The following TDP2 variants were observed in gnomAD, a reference collection of about 807,000 sequenced individuals.
TDP2 encodes the protein 5'-Tyr-DNA phosphodiesterase.
In TDP2, 38 loss-of-function variants were observed where a neutral mutation model predicts 42.8. That is an observed-to-expected ratio of 0.89 (90% CI 0.68 to 1.16). TDP2 has a LOEUF of 1.16. Ranked by LOEUF, TDP2 falls within the 50% of genes most tolerant of loss-of-function variation. TDP2 has a pLI of 0.00. For missense variants in TDP2, 439 were observed against 439.3 expected (o/e 1.00, Z 0.01); for synonymous variants, 173 against 150.6 (o/e 1.15, Z -1.09).
rs893794246 is a variant in TDP2 at position 24,653,080 on chromosome 6, C to T, written c.710G>A (p.Arg237Gln). The T allele has an allele frequency of 3.2e-5, 51 of 1,613,986 alleles. No homozygotes were observed. Among genetic ancestry groups the T allele is most frequent in the Non-Finnish European group, 4.2e-5 (50 of 1,180,032 alleles). Reference sequence around the variant, plus strand: ...TAAAACCATTTTTAACTGATTCATTCGTTCCGCAGCATGCCCTCTGGTGCT... The same window carrying T: ...TAAAACCATTTTTAACTGATTCATTTGTTCCGCAGCATGCCCTCTGGTGCT... ...LESTRGHAAERMNQLKMVLKK... is the reference protein window; with the variant it reads ...LESTRGHAAEQMNQLKMVLKK... Residue 237 changes from arginine (R) to glutamine (Q), a missense_variant, in exon 6 of 7, where the codon CGA (arginine) becomes CAA (glutamine). By Grantham distance (43) the Arg-to-Gln change is conservative. Transcript: ENST00000378198.
chr6:24,661,160 A>C (rs772206714), intron 2 of TDP2, among the ~76,000 whole-genome samples: 14 of 152,222 alleles, frequency 9.2e-5, no homozygotes, highest in Non-Finnish European at 2.1e-4. Context: ...GTTGATATCT[A>C]CCTGAAATAA....
At chr6:24,651,433 C>T (rs1777973196) in intron 6 of TDP2, among the ~76,000 whole-genome samples, 2 of 152,218 alleles carry the variant, frequency 1.3e-5, no homozygotes, top group South Asian at 4.1e-4. Context: ...TAGTCTACAA[C>T]TTCAGAAGTA....
chr6:24,663,269 A>G (rs1265269096), intron 2 of TDP2, among the ~76,000 whole-genome samples: 1 of 152,220 alleles, frequency 6.6e-6, no homozygotes, highest in Non-Finnish European at 1.5e-5. Flanking sequence ...TGAGGCAGAG[A>G]GAGGTTACAC....
chr6:24,658,798 G>C lies in TDP2; in HGVS notation c.252-64C>G, dbSNP rs1159450595. Reference sequence around the variant, plus strand: ...CTATAAATTGATTAAGAATTATTTTGTATTTGTAGCCCTCATTTTACAGAC... The same window carrying C: ...CTATAAATTGATTAAGAATTATTTTCTATTTGTAGCCCTCATTTTACAGAC... On this transcript the variant is annotated intron_variant, in intron 2 of 6. Transcript: ENST00000378198. 6 of 1,504,600 alleles carry C rather than the reference G, an allele frequency of 4.0e-6. No homozygotes were observed. In the East Asian group the frequency reaches 1.4e-4, roughly 35 times the overall value. The allele number at this position is 1,504,600 out of a possible 1,614,324, so 93.2% of individuals were successfully genotyped here.
chr6:24,666,090 A>AT (rs1778228536), intron 2 of TDP2: 4 of 1,535,502 alleles, frequency 2.6e-6, no homozygotes, highest in Non-Finnish European at 3.5e-6. Context: ...GTAGGTGTGC[A>AT]TTAAAAAAAA....
At chr6:24,653,286 T>C (rs949320463) in intron 5 of TDP2, 133 bp from the exon 6 acceptor site, 5 of 922,064 alleles carry the variant, frequency 5.4e-6, no homozygotes, top group Admixed American at 4.5e-5. Flanking sequence ...GCACTATGCC[T>C]ATCCCTCCGG....
At chr6:24,654,296 T>C in intron 5 of TDP2, 116 bp downstream of exon 5, 1 of 531,580 alleles carries the variant, frequency 1.9e-6, no homozygotes, top group Non-Finnish European at 3.3e-6. Flanking sequence ...TCTAAAAGAA[T>C]CTACATGTGT....
chr6:24,652,873 C>T (rs1465692240), intron 6 of TDP2, 110 bp downstream of exon 6: 3 of 1,201,404 alleles, frequency 2.5e-6, no homozygotes, highest in Non-Finnish European at 3.7e-6. Flanking sequence ...TCACTTAAGA[C>T]ATTTTGAGTG....
At chr6:24,656,073 CAAAAT>C (rs1201796774) in intron 4 of TDP2, among the ~76,000 whole-genome samples, 1 of 151,712 alleles carries the variant, frequency 6.6e-6, no homozygotes, top group East Asian at 1.9e-4. Context: ...ATAACATAAT[CAAAAT>C]AAACAAAAAG....
At chr6:24,655,619 G>C (rs535588081) in intron 4 of TDP2, among the ~76,000 whole-genome samples, 1 of 152,298 alleles carries the variant, frequency 6.6e-6, no homozygotes, top group African/African-American at 2.4e-5. Flanking sequence ...AGAGGCTCCA[G>C]AGTCACCAGC....
At chr6:24,666,304 C>T in intron 2 of TDP2, 1 of 1,528,394 alleles carries the variant, frequency 6.5e-7, no homozygotes, top group East Asian at 2.4e-5. Context: ...CCCTGGACCC[C>T]AAATCACGTT....
chr6:24,655,373 CTG>C (rs1216433171), intron 4 of TDP2, among the ~76,000 whole-genome samples: 2 of 152,256 alleles, frequency 1.3e-5, no homozygotes, highest in East Asian at 3.9e-4. Context: ...ACTTGAGTGA[CTG>C]TAGCAGAGAA....
intron 2 of TDP2, among the ~76,000 whole-genome samples, chr6:24,660,998 G>C (rs1218878580): frequency 1.3e-5 from 2 of 152,174 alleles, no homozygotes; most frequent in Non-Finnish European, 2.9e-5. Flanking sequence ...GGTGATGTTA[G>C]CTTTGATCAC....
At chr6:24,661,956 TG>T (rs938986668) in intron 2 of TDP2, among the ~76,000 whole-genome samples, 7 of 152,338 alleles carry the variant, frequency 4.6e-5, no homozygotes, top group Admixed American at 1.3e-4. Context: ...CTCAACCCTG[TG>T]CTCGCAGAAA....
At chr6:24,664,318 C>T (rs1436600333) in intron 2 of TDP2, among the ~76,000 whole-genome samples, 1 of 133,860 alleles carries the variant, frequency 7.5e-6, no homozygotes, top group East Asian at 2.0e-4. Context: ...TTAGAATTAC[C>T]TGCACAGCTA....
In TDP2 at chr6:24,650,784, C is replaced by T. The variant is rs747910516; in HGVS notation, c.*4G>A. 5.6e-6 allele frequency: 9 copies of T among 1,611,662 alleles called. No homozygotes were observed. The highest frequency in any genetic ancestry group is 1.1e-5 in the South Asian group (1 of 90,884). On this transcript the variant is annotated 3_prime_UTR_variant, in exon 7 of 7. Coordinates refer to ENST00000378198, the MANE Select transcript of TDP2 (RefSeq NM_016614.3). Reference sequence around the variant, plus strand: ...CAGGGCAAAACCCACACTTGAAAAGCATTTTACAATATTATATCTAAGTTG... The same window carrying T: ...CAGGGCAAAACCCACACTTGAAAAGTATTTTACAATATTATATCTAAGTTG...
chr6:24,654,383 A>G (rs377026146), intron 5 of TDP2, 29 bp downstream of exon 5: 9 of 1,118,842 alleles, frequency 8.0e-6, no homozygotes, highest in Non-Finnish European at 1.2e-5. Context: ...TTTTTTTTAT[A>G]AAACACTCAA....
At chr6:24,651,177 T>C (rs16889581) in intron 6 of TDP2, 108 bp from the exon 7 acceptor site, 21,718 of 833,484 alleles carry the variant, frequency 0.026, 944 homozygotes, top group African/African-American at 0.16. Flanking sequence ...AAATTATTAA[T>C]GCAGAAATGC....
intron 3 of TDP2, 131 bp from the exon 4 acceptor site, chr6:24,658,034 C>A: frequency 1.8e-6 from 1 of 559,916 alleles, no homozygotes. Context: ...AGTGTTTATG[C>A]TGATCTTTGA....
Sources: gnomAD v4.1 joint callset for allele counts (sites outside exome capture counted in the v4.1 genomes callset) on GRCh38, gnomAD v4.1.1 for gene constraint, MANE v1.5 for transcripts, NCBI Gene and HGNC (gene_info 2026-07-23, HGNC 2026-07-21) for gene names.